The following CNPY1 variants were observed in gnomAD, a reference collection of about 807,000 sequenced individuals.
CNPY1 encodes the protein protein canopy homolog 1.
A neutral mutation model predicts 14.4 loss-of-function variants in CNPY1; 14 were observed. The ratio of observed to expected loss-of-function variants is 0.97; its 90% CI spans 0.64 to 1.52. The LOEUF (loss-of-function observed/expected upper bound fraction) is 1.52, where lower values mean the gene tolerates loss of function less well. CNPY1 is among the 40% of genes most tolerant of loss of function. CNPY1 has a pLI of 0.00. For synonymous variants in CNPY1, 43 were observed against 46.5 expected (o/e 0.92, Z 0.31); for missense variants, 129 against 131.5 (o/e 0.98, Z 0.09).
intron 2 of CNPY1, among the ~76,000 whole-genome samples, chr7:155,539,074 G>A (rs1028211039): frequency 4.0e-5 from 6 of 151,422 alleles, no homozygotes; most frequent in Admixed American, 1.3e-4. Flanking sequence ...GCCCAGCTGC[G>A]GTCCCTTGGT....
chr7:155,503,569 A>G (rs1796193894), intron 4 of CNPY1, among the ~76,000 whole-genome samples: 1 of 152,230 alleles, frequency 6.6e-6, no homozygotes, highest in African/African-American at 2.4e-5. Context: ...CTTTAGCTAC[A>G]TAACTTTTAA....
At chr7:155,526,441 G>A (rs73163391) in intron 2 of CNPY1, among the ~76,000 whole-genome samples, 5,421 of 152,290 alleles carry the variant, frequency 0.036, 150 homozygotes, top group Non-Finnish European at 0.056. Context: ...GGTGTCCATG[G>A]GGGAGAGGAG....
At chr7:155,533,152 A>C (rs1459259813) in intron 2 of CNPY1, among the ~76,000 whole-genome samples, 3 of 152,158 alleles carry the variant, frequency 2.0e-5, no homozygotes, top group Non-Finnish European at 4.4e-5. Flanking sequence ...GGCTCACACC[A>C]CACAGGCAGC....
chr7:155,515,027 A>G (rs769218951), intron 2 of CNPY1, among the ~76,000 whole-genome samples: 6 of 152,212 alleles, frequency 3.9e-5, no homozygotes, highest in Non-Finnish European at 7.3e-5. Context: ...GCACACACAT[A>G]CTGCACACAC....
At chr7:155,531,902 C>T (rs369145440) in intron 2 of CNPY1, among the ~76,000 whole-genome samples, 17 of 152,302 alleles carry the variant, frequency 1.1e-4, no homozygotes, top group African/African-American at 3.6e-4. Context: ...ACTGTCAGCC[C>T]GGAAGCAACA....
At chr7:155,533,615 G>A (rs1235591627) in intron 2 of CNPY1, 1 of 152,210 alleles carries the variant, frequency 6.6e-6, no homozygotes, top group East Asian at 1.9e-4. Context: ...CCCCCGAGGG[G>A]AAAAGCGGGT....
At chr7:155,526,231 G>A (rs1480331987) in intron 2 of CNPY1, among the ~76,000 whole-genome samples, 1 of 152,202 alleles carries the variant, frequency 6.6e-6, no homozygotes, top group Non-Finnish European at 1.5e-5. Context: ...GTGTGGGGGA[G>A]CAAGGCTTAT....
At chr7:155,535,700 T>C (rs1377498208) in intron 2 of CNPY1, among the ~76,000 whole-genome samples, 1 of 152,072 alleles carries the variant, frequency 6.6e-6, no homozygotes, top group Non-Finnish European at 1.5e-5. Context: ...CATCCTACCT[T>C]CCACGGGGCT....
At chr7:155,526,966 C>G (rs181530368) in intron 2 of CNPY1, among the ~76,000 whole-genome samples, 1 of 152,190 alleles carries the variant, frequency 6.6e-6, no homozygotes, top group Admixed American at 6.5e-5. Context: ...ATGTGTCCAT[C>G]TGTAGAATGG....
intron 2 of CNPY1, among the ~76,000 whole-genome samples, chr7:155,544,090 C>T (rs547721441): frequency 6.6e-6 from 1 of 152,326 alleles, no homozygotes; most frequent in South Asian, 2.1e-4. Context: ...TCAGGACCCC[C>T]AAACGTGGAC....
At chr7:155,528,801 C>A (rs1796878235) in intron 2 of CNPY1, among the ~76,000 whole-genome samples, 1 of 152,224 alleles carries the variant, frequency 6.6e-6, no homozygotes, top group Non-Finnish European at 1.5e-5. Context: ...TGGCTCACAC[C>A]TGTAATCCCA....
intron 2 of CNPY1, among the ~76,000 whole-genome samples, chr7:155,531,791 A>C (rs1315946120): frequency 6.6e-6 from 1 of 152,222 alleles, no homozygotes; most frequent in Non-Finnish European, 1.5e-5. Flanking sequence ...GGCCTAAGAG[A>C]GAGCCTGGGC....
At position 155,502,814 on chromosome 7, in the gene CNPY1, C is replaced by A. The variant is rs1244912358; in HGVS notation, c.*254G>T. ...AATACAGAATTAAATCCTCTATTGT[C>A]AAGCTTGATTTATCAAAATCTGCAA... On this transcript the variant is annotated 3_prime_UTR_variant, in exon 5 of 5. Transcript: ENST00000636446. 2.0e-6 allele frequency: 1 copy of A among 491,348 alleles called. No individual in the cohort carries two copies. Among genetic ancestry groups the A allele is most frequent in the Non-Finnish European group, 3.6e-6 (1 of 276,816 alleles). The allele number at this position is 491,348 out of a possible 1,614,324, so 30.4% of individuals were successfully genotyped here. A position where few individuals can be genotyped will look rare whatever the true frequency, so the allele number is the denominator to read the frequency against.
At chr7:155,525,859 C>G (rs1796810414) in intron 2 of CNPY1, among the ~76,000 whole-genome samples, 1 of 152,190 alleles carries the variant, frequency 6.6e-6, no homozygotes, top group African/African-American at 2.4e-5. Context: ...CTCTGTTTTT[C>G]TTGACATTGT....
chr7:155,511,736 A>ACGATGTT (rs2116696106), intron 2 of CNPY1, among the ~76,000 whole-genome samples: 1 of 152,306 alleles, frequency 6.6e-6, no homozygotes, highest in Admixed American at 6.5e-5. Context: ...ACACTACCTT[A>ACGATGTT]CGATGTTCGT....
chr7:155,520,428 C>CTTTTTTTTTTTTTTTTTTTT (rs71522007), intron 2 of CNPY1, among the ~76,000 whole-genome samples: 1 of 69,410 alleles, frequency 1.4e-5, no homozygotes, highest in Non-Finnish European at 2.4e-5. Context: ...TTCTTTCTTT[C>CTTTTTTTTTTTTTTTTTTTT]TTTTTTTTTT....
chr7:155,519,149 C>T (rs181422430), intron 2 of CNPY1, among the ~76,000 whole-genome samples: 17 of 152,238 alleles, frequency 1.1e-4, no homozygotes, highest in Non-Finnish European at 1.6e-4. Flanking sequence ...CCCCAGGGGC[C>T]GGGAAAGGGG....
intron 2 of CNPY1, among the ~76,000 whole-genome samples, chr7:155,527,591 G>A (rs1253741273): frequency 1.3e-5 from 2 of 150,066 alleles, no homozygotes. Flanking sequence ...ACAAGTACAC[G>A]CCACCACACC....
chr7:155,509,785 T>A (rs1363736574), intron 2 of CNPY1, among the ~76,000 whole-genome samples: 1 of 152,116 alleles, frequency 6.6e-6, no homozygotes, highest in South Asian at 2.1e-4. Context: ...CTGGTGCACG[T>A]CCCCGCGCGC....
Sources: allele counts gnomAD v4.1 joint callset (sites outside exome capture counted in the v4.1 genomes callset), GRCh38; gene constraint gnomAD v4.1.1; transcripts MANE v1.5; gene names NCBI Gene and HGNC (gene_info 2026-07-23, HGNC 2026-07-21).